Variants in RASA2 observed in about 807,000 individuals in gnomAD.
RASA2 encodes RAS p21 protein activator 2, also known as ras GTPase-activating protein 2.
A neutral mutation model predicts 118.2 loss-of-function variants in RASA2; 155 were observed. The observed-to-expected ratio is 1.31, with a 90% CI of 1.15 to 1.50. The LOEUF is 1.50. Ranked by LOEUF, RASA2 falls within the 40% of genes most tolerant of loss-of-function variation. The pLI, the probability that RASA2 is intolerant of heterozygous loss-of-function variation, is 0.00. For missense variants in RASA2, 1,016 were observed against 1,009.6 expected (o/e 1.01, Z -0.09); for synonymous variants, 353 against 349.1 (o/e 1.01, Z -0.12).
At position 141,580,442 on chromosome 3, in the gene RASA2, CA is replaced by C; in HGVS notation, c.1669del (p.Ser557AlafsTer24). 1 of 1,597,900 alleles carries C rather than the reference CA, an allele frequency of 6.3e-7. No homozygotes were observed. Among genetic ancestry groups the C allele is most frequent in the Non-Finnish European group, 8.6e-7 (1 of 1,166,908 alleles). On this transcript the variant is annotated frameshift_variant, in exon 16 of 24. Transcript: ENST00000286364. LOFTEE classifies it high-confidence loss of function. ...CTTTGGGAAGCTGGGGGAGTCTGTC[CA>C]AAAGCAAGGTAAGTCCTTACATCTT... ...QTLGSWGSLS[K>X]SKSSFKETFM...
intron 11 of RASA2, 46 bp from the exon 12 acceptor site, chr3:141,572,563 C>T (rs1232957758): frequency 1.4e-6 from 2 of 1,404,694 alleles, no homozygotes; most frequent in Non-Finnish European, 2.0e-6. Flanking sequence ...TTATTGGTTT[C>T]AAAACCTTTG....
intron 1 of RASA2, among the ~76,000 whole-genome samples, chr3:141,504,581 G>A (rs1232116110): frequency 1.3e-5 from 2 of 152,054 alleles, no homozygotes; most frequent in African/African-American, 2.4e-5. Context: ...ACCCGTGTCT[G>A]CTCTGCCCCT....
In RASA2 at chr3:141,529,803, G is replaced by A; in HGVS notation, c.450+1G>A. The A allele has an allele frequency of 6.3e-7, 1 of 1,592,638 alleles. No individual in the cohort carries two copies. Among genetic ancestry groups the A allele is most frequent in the Non-Finnish European group, 8.6e-7 (1 of 1,161,704 alleles). On this transcript the variant is annotated splice_donor_variant, in intron 4 of 23. Transcript: ENST00000286364. LOFTEE classifies it high-confidence loss of function. ...TGTTGACTCCAATTCAGAGGTTCAG[G>A]TAAATATTAAGGCTTATGTAATACA...
Position 141,512,165 on chromosome 3 carries a change from G to A in RASA2, c.136G>A (p.Glu46Lys). Residue 46 changes from glutamate to lysine, a missense_variant and splice_region_variant, in exon 2 of 24, where the codon GAA (glutamate) becomes AAA (lysine). This residue lies in a region of RASA2 where 896 missense variants were observed against 836.4 expected (regional missense o/e 1.07). Coordinates refer to ENST00000286364, the MANE Select transcript of RASA2 (RefSeq NM_006506.5). ...AATTTTAAATTTTATGCCAACAGGT[G>A]AAGCAAAAAATTTATTGCCATATCT... ...VLQSLRGKIC[E>K]AKNLLPYLGP... is the part of the protein sequence containing the mutation. The A allele has an allele frequency of 6.2e-7, 1 of 1,603,016 alleles. No homozygotes were observed. Among genetic ancestry groups the A allele is most frequent in the African/African-American group, 1.3e-5 (1 of 74,254 alleles).
rs116877118 is a variant in RASA2 at position 141,523,248 on chromosome 3, C to T, written c.356-6460C>T. On this transcript the variant is annotated intron_variant, in intron 3 of 23. Coordinates refer to ENST00000286364, the MANE Select transcript of RASA2 (RefSeq NM_006506.5). ...GTTTTAAGCAATTCTGCCTCAGCCTCCTGAGTAGCTGGGATTACAAATACC... is the reference window on the plus strand; with the variant it reads ...GTTTTAAGCAATTCTGCCTCAGCCTTCTGAGTAGCTGGGATTACAAATACC... 1.4e-3 allele frequency among the ~76,000 whole-genome samples: 216 copies of T among 152,136 alleles called. 7 individuals are homozygous for T. The East Asian group carries it at 0.024, about 17-fold the overall frequency.
chr3:141,560,085 T>C, intron 9 of RASA2, 90 bp downstream of exon 9: 1 of 1,022,392 alleles, frequency 9.8e-7, no homozygotes, highest in South Asian at 1.7e-5. Context: ...TGAACATATT[T>C]TAAATTTGCC....
chr3:141,562,816 G>A (rs958203830), intron 9 of RASA2, among the ~76,000 whole-genome samples: 16 of 151,962 alleles, frequency 1.1e-4, no homozygotes, highest in African/African-American at 3.9e-4. Context: ...GGGATGACAG[G>A]CATCCGCCAC....
intron 19 of RASA2, among the ~76,000 whole-genome samples, chr3:141,590,394 C>G (rs141443252): frequency 1.8e-4 from 27 of 152,270 alleles, no homozygotes; most frequent in African/African-American, 6.3e-4. Flanking sequence ...GTCTGTGAAC[C>G]ATAATATAAC....
At chr3:141,488,424 C>T (rs934575186) in intron 1 of RASA2, among the ~76,000 whole-genome samples, 4 of 152,134 alleles carry the variant, frequency 2.6e-5, no homozygotes, top group Non-Finnish European at 5.9e-5. Flanking sequence ...ATTTTCCTCT[C>T]CTCTAATACC....
chr3:141,604,837 A>G (rs1211109472), intron 19 of RASA2, among the ~76,000 whole-genome samples: 1 of 152,094 alleles, frequency 6.6e-6, no homozygotes, highest in African/African-American at 2.4e-5. Flanking sequence ...GCACACCAAC[A>G]TGGCACATGT....
intron 13 of RASA2, among the ~76,000 whole-genome samples, chr3:141,573,733 C>T (rs919491055): frequency 3.9e-5 from 6 of 152,104 alleles, no homozygotes; most frequent in Non-Finnish European, 7.3e-5. Flanking sequence ...TCACCTCTTA[C>T]GCCTAGCAAA....
chr3:141,493,054 TACAA>T (rs1376141874), intron 1 of RASA2, among the ~76,000 whole-genome samples: 2 of 152,218 alleles, frequency 1.3e-5, no homozygotes, highest in Non-Finnish European at 2.9e-5. Context: ...CCCTTCATTT[TACAA>T]ATGAAGAATC....
intron 4 of RASA2, 76 bp downstream of exon 4, chr3:141,529,878 A>G: frequency 1.8e-6 from 2 of 1,134,032 alleles, no homozygotes; most frequent in South Asian, 1.3e-5. Context: ...AAACTGGTTC[A>G]TGTAAATAGA....
chr3:141,536,141 A>G (rs1048001165), intron 4 of RASA2, among the ~76,000 whole-genome samples: 1 of 152,202 alleles, frequency 6.6e-6, no homozygotes, highest in Non-Finnish European at 1.5e-5. Flanking sequence ...GACATATCCA[A>G]GACTGGAAAG....
chr3:141,570,077 T>C (rs1307592256), intron 9 of RASA2, among the ~76,000 whole-genome samples: 1 of 150,038 alleles, frequency 6.7e-6, no homozygotes, highest in Non-Finnish European at 1.5e-5. Context: ...TAAATTCCCA[T>C]GATAAAAAGC....
At position 141,527,959 on chromosome 3, in the gene RASA2, G is replaced by A. The variant is rs970785635; in HGVS notation, c.356-1749G>A. 6.6e-5 allele frequency among the ~76,000 whole-genome samples: 10 copies of A among 151,886 alleles called. No homozygotes were observed. In the East Asian group the frequency reaches 1.9e-3, roughly 29 times the overall value. ...GTGATTTGAATGAACTATAAATGCT[G>A]TATATTCACATAAAGATTTTGATCT... On this transcript the variant is annotated intron_variant, in intron 3 of 23. Transcript: ENST00000286364.
intron 9 of RASA2, among the ~76,000 whole-genome samples, chr3:141,560,750 T>G (rs1179528050): frequency 2.0e-5 from 3 of 152,146 alleles, no homozygotes; most frequent in East Asian, 1.9e-4. Context: ...TAGATTTTGG[T>G]TTCAACTGGG....
chr3:141,523,751 A>G (rs1295734787), intron 3 of RASA2, among the ~76,000 whole-genome samples: 1 of 151,964 alleles, frequency 6.6e-6, no homozygotes, highest in Non-Finnish European at 1.5e-5. Flanking sequence ...CCGACCCCTC[A>G]CTCCACCTTG....
intron 1 of RASA2, among the ~76,000 whole-genome samples, chr3:141,507,412 A>G (rs116723816): frequency 6.6e-6 from 1 of 152,346 alleles, no homozygotes; most frequent in African/African-American, 2.4e-5. Context: ...CAGACTCTAG[A>G]TCTAGAAAAA....
Sources: gnomAD v4.1 joint callset for allele counts (sites outside exome capture counted in the v4.1 genomes callset) on GRCh38, gnomAD v4.1.1 for gene constraint, gnomAD v4.1.1 regional missense constraint, MANE v1.5 for transcripts, NCBI Gene and HGNC (gene_info 2026-07-23, HGNC 2026-07-21) for gene names.